MAP7D3: variants seen among roughly 807,000 people sequenced by gnomAD.
MAP7D3 encodes the protein MAP7 domain containing 3, also known as MAP7 domain-containing protein 3.
MAP7D3 carries 45 observed loss-of-function variants against 62.2 expected under a neutral mutation model. The observed-to-expected ratio is 0.72, with a 90% CI of 0.57 to 0.93. MAP7D3 has a LOEUF of 0.93. Among genes scored for constraint, MAP7D3 ranks in the 40% least tolerant of loss-of-function variants. The probability of loss-of-function intolerance (pLI) is 0.00; values close to 1 mark genes in which losing one functional copy is unlikely to be tolerated. For missense variants in MAP7D3, 711 were observed against 683.1 expected, an observed-to-expected ratio of 1.04 and a Z score of -0.45; for synonymous variants, 288 against 248.8, an observed-to-expected ratio of 1.16 and a Z score of -1.48.
At chrX:136,220,305 T>A (rs769655660) in intron 16 of MAP7D3, among the ~76,000 whole-genome samples, 14 of 109,551 alleles carry the variant, frequency 1.3e-4, no homozygotes, top group African/African-American at 2.0e-4. Flanking sequence ...AAAAAAAAAA[T>A]GAAAAATAAA....
At chrX:136,225,031 G>A (rs2074179035) in intron 13 of MAP7D3, 151 bp from the exon 14 acceptor site, 2 of 421,715 alleles carry the variant, frequency 4.7e-6, no homozygotes, top group Non-Finnish European at 8.1e-6. Context: ...GGCTTACGGT[G>A]GCAGTTGAGT....
In MAP7D3 at chrX:136,231,794, G is replaced by A. The variant is rs200860652; in HGVS notation, c.1163C>T (p.Ala388Val). The A allele has an allele frequency of 2.5e-4, 299 of 1,209,550 alleles. No individual in the cohort carries two copies. The highest frequency in any genetic ancestry group is 2.5e-3 in the African/African-American group (141 of 57,048). ...CACTTCCGGGGGTGCTTCCAGGCTC[G>A]CCTCCGGGGATGCTACTATGCTCAC... The part of the protein sequence containing the change: ...PKVSIVASPE[A>V]SLEAPPEVSL... Residue 388 changes from alanine to valine, a missense_variant, in exon 8 of 19, where the codon GCG (alanine) becomes GTG (valine). Transcript: ENST00000316077.
intron 12 of MAP7D3, among the ~76,000 whole-genome samples, chrX:136,226,604 A>G (rs1322153531): frequency 9.0e-6 from 1 of 111,709 alleles, no homozygotes; most frequent in Non-Finnish European, 1.9e-5. Flanking sequence ...TATCTGTTAC[A>G]GGGGTGTAAG....
At position 136,228,067 on chromosome X, in the gene MAP7D3, C is replaced by T. The variant is rs1262078762; in HGVS notation, c.1886+556G>A. Reference sequence around the variant, plus strand: ...ATTATAAGGCCCGACATAAAATAGTCCTCAAGATGGAGGAACAAGAAACCT... The same window carrying T: ...ATTATAAGGCCCGACATAAAATAGTTCTCAAGATGGAGGAACAAGAAACCT... On this transcript the variant is annotated intron_variant, in intron 11 of 18. Coordinates refer to ENST00000316077, the MANE Select transcript of MAP7D3 (RefSeq NM_024597.4). Among the ~76,000 whole-genome samples, 7 of 111,678 alleles carry T rather than the reference C, an allele frequency of 6.3e-5. No homozygotes were observed. The East Asian group carries it at 2.0e-3, about 31-fold the overall frequency.
rs184126455 is a variant in MAP7D3 at position 136,220,655 on chromosome X, T to C, written c.2486+110A>G. 1.7e-5 allele frequency: 11 copies of C among 629,652 alleles called. No individual in the cohort carries two copies. The East Asian group carries it at 3.6e-4, about 20-fold the overall frequency. The allele number at this position is 629,652 out of a possible 1,213,427, so 51.9% of individuals were successfully genotyped here. A position where few individuals can be genotyped will look rare whatever the true frequency, so the allele number is the denominator to read the frequency against. The stretch of plus-strand genomic sequence containing the variant: ...TTTCCGTTAAGTCAAATATGTGACA[T>C]GGTGTTTGGTACAAACTAAGAGCAC... On this transcript the variant is annotated intron_variant, in intron 16 of 18. Coordinates refer to ENST00000316077, the MANE Select transcript of MAP7D3 (RefSeq NM_024597.4).
chrX:136,229,098 GTCC>G, intron 10 of MAP7D3: 1 of 122,742 alleles, frequency 8.1e-6, no homozygotes. Flanking sequence ...CTTATGCTCG[GTCC>G]AAACAAAGGG....
intron 4 of MAP7D3, among the ~76,000 whole-genome samples, chrX:136,242,635 A>G (rs1196473445): frequency 9.0e-6 from 1 of 110,550 alleles, no homozygotes; most frequent in Non-Finnish European, 1.9e-5. Context: ...ATTTTGCTGC[A>G]TTCTCTTCTA....
rs2074096102 is a variant in MAP7D3, at chrX:136,219,323, G to C, written c.*32+75C>G. 1.1e-5 allele frequency: 6 copies of C among 569,504 alleles called. No homozygotes were observed. The East Asian group carries it at 2.0e-4, about 19-fold the overall frequency. 46.9% of individuals were successfully genotyped at this position (569,504 alleles called of 1,213,427 possible). A position where few individuals can be genotyped will look rare whatever the true frequency, so the allele number is the denominator to read the frequency against. Reference sequence around the variant, plus strand: ...GCTATATGGTGCAAAGACTGCCCTGGAATGGCTAGAAGGAGGGGAGCGGGT... The same window carrying C: ...GCTATATGGTGCAAAGACTGCCCTGCAATGGCTAGAAGGAGGGGAGCGGGT... On this transcript the variant is annotated intron_variant, in intron 18 of 18. Coordinates refer to ENST00000316077, the MANE Select transcript of MAP7D3 (RefSeq NM_024597.4).
chrX:136,252,942 A>T (rs2074529376), upstream of MAP7D3, among the ~76,000 whole-genome samples: 1 of 109,292 alleles, frequency 9.1e-6, no homozygotes, highest in African/African-American at 3.3e-5. Context: ...TAGTAAAAAT[A>T]CAAAAATTAG....
chrX:136,216,268 T>C (rs746313090), downstream of MAP7D3, among the ~76,000 whole-genome samples: 1 of 98,996 alleles, frequency 1.0e-5, no homozygotes, highest in Admixed American at 1.2e-4. Flanking sequence ...CTCATGCCTG[T>C]AATCCCAGCA....
intron 12 of MAP7D3, among the ~76,000 whole-genome samples, chrX:136,226,669 A>G (rs966809639): frequency 8.9e-6 from 1 of 112,023 alleles, no homozygotes; most frequent in African/African-American, 3.2e-5. Context: ...GGGGAAACCA[A>G]TGTAGGATGT....
intron 7 of MAP7D3, among the ~76,000 whole-genome samples, chrX:136,233,099 A>C (rs750572879): frequency 9.0e-6 from 1 of 111,574 alleles, no homozygotes; most frequent in South Asian, 3.8e-4. Context: ...ATATTAAGGC[A>C]GTCACTAAGA....
rs370803568 is a variant in MAP7D3 at position 136,231,669 on chromosome X, C to T, written c.1288G>A (p.Val430Met). The part of the protein sequence containing the change: ...GSAEVAPKES[V>M]KGSPKESMEA... Reference sequence around the variant, plus strand: ...ATGCTCTCCTTGGGTGACCCTTTCACACTCTCCTTGGGGGCTACTTCTGCG... The same window carrying T: ...ATGCTCTCCTTGGGTGACCCTTTCATACTCTCCTTGGGGGCTACTTCTGCG... The change falls in exon 8 of 19, where the codon GTG (valine) becomes ATG (methionine). Residue 430 changes from valine (V) to methionine (M), a missense_variant. By Grantham distance (21) the Val-to-Met change is conservative. Transcript: ENST00000316077. 1.3e-4 allele frequency: 155 copies of T among 1,204,707 alleles called. No homozygotes were observed. Among genetic ancestry groups the T allele is most frequent in the Non-Finnish European group, 1.7e-4 (153 of 891,368 alleles).
rs1232520848 is a variant in MAP7D3, at chrX:136,246,160, A to T, written c.170-12T>A. ...GGATCCATCGATTACTAAAAAAAAA[A>T]GAATATAGTTAGATATTAATAGGAT... On this transcript the variant is annotated splice_polypyrimidine_tract_variant and intron_variant, in intron 2 of 18. Transcript: ENST00000316077. 1 of 1,142,584 alleles carries T rather than the reference A, an allele frequency of 8.8e-7. No homozygotes were observed. Among genetic ancestry groups the T allele is most frequent in the South Asian group, 1.9e-5 (1 of 52,918 alleles). The allele number at this position is 1,142,584 out of a possible 1,213,427, so 94.2% of individuals were successfully genotyped here. A position where few individuals can be genotyped will look rare whatever the true frequency, so the allele number is the denominator to read the frequency against.
chrX:136,250,934 G>A (rs1482979153), intron 1 of MAP7D3, among the ~76,000 whole-genome samples: 1 of 111,555 alleles, frequency 9.0e-6, no homozygotes, highest in East Asian at 2.9e-4. Flanking sequence ...GATGGGGCAC[G>A]GGGCGGTCCG....
chrX:136,219,347 G>A, intron 18 of MAP7D3, 51 bp downstream of exon 18: 1 of 754,702 alleles, frequency 1.3e-6, no homozygotes, highest in East Asian at 3.2e-5. Context: ...AGGGGAGCGG[G>A]TTCAGGGTCA....
At chrX:136,247,590 ATTTTT>A (rs35551706) in intron 1 of MAP7D3, among the ~76,000 whole-genome samples, 2 of 94,314 alleles carry the variant, frequency 2.1e-5, no homozygotes, top group Non-Finnish European at 2.1e-5. Context: ...AAGGATCACC[ATTTTT>A]TTTTTTTTTT....
chrX:136,240,208 CAAA>C (rs34003803), intron 6 of MAP7D3, among the ~76,000 whole-genome samples, 171 bp downstream of exon 6: 4 of 67,386 alleles, frequency 5.9e-5, no homozygotes, highest in Non-Finnish European at 2.8e-5. Context: ...GACTCTGTCT[CAAA>C]AAAAAAAAAA....
rs1284768639 is a variant in MAP7D3, at chrX:136,217,490, C to CT, written c.*1035dup. 2 of 112,022 alleles carry CT rather than the reference C, an allele frequency of 1.8e-5. No homozygotes were observed. Among genetic ancestry groups the CT allele is most frequent in the Non-Finnish European group, 3.8e-5 (2 of 53,189 alleles). 9.2% of individuals were successfully genotyped at this position (112,022 alleles called of 1,213,427 possible). On this transcript the variant is annotated 3_prime_UTR_variant, in exon 19 of 19. Transcript: ENST00000316077. ...AACACTGACAAGAGCATGAAAGGTG[C>CT]TGACTGTTCCAAGATGGGGCTTTAC...
Sources: gnomAD v4.1 joint callset for allele counts (sites outside exome capture counted in the v4.1 genomes callset) on GRCh38, gnomAD v4.1.1 for gene constraint, MANE v1.5 for transcripts, NCBI Gene and HGNC (gene_info 2026-07-23, HGNC 2026-07-21) for gene names.